RNF144B: variants seen among roughly 807,000 people sequenced by gnomAD.
The protein encoded by RNF144B is ring finger protein 144B.
In RNF144B, 25 loss-of-function variants were observed where a neutral mutation model predicts 40.2. That is an observed-to-expected ratio of 0.62 (90% CI 0.45 to 0.87). The LOEUF is 0.87. Ranked by LOEUF, RNF144B falls within the 40% of genes least tolerant of loss-of-function variation. The probability of loss-of-function intolerance (pLI) is 0.00; values close to 1 mark genes in which losing one functional copy is unlikely to be tolerated. For synonymous variants in RNF144B, 145 were observed against 136.3 expected (o/e 1.06, Z -0.44); for missense variants, 365 against 373.7 (o/e 0.98, Z 0.19).
At chr6:18,426,418 C>T (rs1378736352) in intron 2 of RNF144B, among the ~76,000 whole-genome samples, 1 of 152,166 alleles carries the variant, frequency 6.6e-6, no homozygotes, top group Non-Finnish European at 1.5e-5. Context: ...AGGTTTATTT[C>T]CTGGAACTAC....
intron 2 of RNF144B, among the ~76,000 whole-genome samples, chr6:18,421,478 G>C (rs778972175): frequency 6.6e-6 from 1 of 151,920 alleles, no homozygotes; most frequent in East Asian, 1.9e-4. Flanking sequence ...TTCTCTGTTG[G>C]AATCACTAAA....
chr6:18,464,793 G>A lies in RNF144B; in HGVS notation c.772-134G>A, dbSNP rs1759541058. 1.2e-6 allele frequency: 1 copy of A among 833,754 alleles called. No individual in the cohort carries two copies. 51.6% of individuals were successfully genotyped at this position (833,754 alleles called of 1,614,324 possible). On this transcript the variant is annotated intron_variant, in intron 7 of 7. Transcript: ENST00000259939. This position sits in a 1 kb window ranked among gnomAD's most constrained non-coding sequence, Gnocchi z 6.1. ...TCGTCTCCAAATACCGTCACATCGG[G>A]GATTTAGGGTTTCAACATATGAGCT...
intron 2 of RNF144B, among the ~76,000 whole-genome samples, chr6:18,404,840 A>G (rs920514440): frequency 3.3e-5 from 5 of 152,180 alleles, no homozygotes; most frequent in Non-Finnish European, 5.9e-5. Flanking sequence ...ACATAATAAT[A>G]TAATTACTTG....
At position 18,464,310 on chromosome 6, in the gene RNF144B, A is replaced by G. The variant is rs1759529192; in HGVS notation, c.772-617A>G. On this transcript the variant is annotated intron_variant, in intron 7 of 7. Coordinates refer to ENST00000259939, the MANE Select transcript of RNF144B (RefSeq NM_182757.4). The surrounding 1 kb of genome is among the most constrained non-coding windows in gnomAD (Gnocchi z 6.1). ...ATTCAAGTAGAGAGAGAGCACCAAT[A>G]CCAATAATTCATGACTATACTGAGC... Among the ~76,000 whole-genome samples the G allele has an allele frequency of 6.6e-6, 1 of 152,114 alleles. No individual in the cohort carries two copies. The highest frequency in any genetic ancestry group is 1.5e-5 in the Non-Finnish European group (1 of 68,012).
In RNF144B at chr6:18,416,639, T is replaced by C. The variant is rs1222330778; in HGVS notation, c.166-10942T>C. 1.3e-5 allele frequency among the ~76,000 whole-genome samples: 2 copies of C among 152,194 alleles called. No homozygotes were observed. Among genetic ancestry groups the C allele is most frequent in the African/African-American group, 4.8e-5 (2 of 41,444 alleles). ...TCTTTTCCAGAAAATGTAACGGCAC[T>C]ATTTTGGGCTAAAGTATTTAAAGGC... On this transcript the variant is annotated intron_variant, in intron 2 of 7. Transcript: ENST00000259939. This position sits in a 1 kb window ranked among gnomAD's most constrained non-coding sequence, Gnocchi z 5.5.
Position 18,427,692 on chromosome 6 carries a change from A to ATGACTACCATCATCTTCCCCTCTTTCCT in RNF144B, c.270+8_270+35dup. ...GACCCTGCAGGAAGCTGAGGTATGA[A>ATGACTACCATCATCTTCCCCTCTTTCCT]TGACTACCATCATCTTCCCCTCTTT... On this transcript the variant is annotated splice_region_variant and intron_variant, in intron 3 of 7. Coordinates refer to ENST00000259939, the MANE Select transcript of RNF144B (RefSeq NM_182757.4). The ATGACTACCATCATCTTCCCCTCTTTCCT allele has an allele frequency of 6.6e-7, 1 of 1,518,910 alleles. No homozygotes were observed. The highest frequency in any genetic ancestry group is 9.1e-7 in the Non-Finnish European group (1 of 1,093,764). The allele number at this position is 1,518,910 out of a possible 1,614,324, so 94.1% of individuals were successfully genotyped here.
chr6:18,436,403 G>A (rs1381101207), intron 3 of RNF144B, among the ~76,000 whole-genome samples: 1 of 152,156 alleles, frequency 6.6e-6, no homozygotes, highest in African/African-American at 2.4e-5. Flanking sequence ...AATAAGGCCC[G>A]AAGATGCTTT....
intron 1 of RNF144B, among the ~76,000 whole-genome samples, chr6:18,394,671 AT>A (rs1256121533): frequency 1.3e-5 from 2 of 151,880 alleles, no homozygotes; most frequent in African/African-American, 4.8e-5. Context: ...TTTGGAGCAG[AT>A]TGCTTTTTCA....
In RNF144B at chr6:18,406,172, C is replaced by G; in HGVS notation, c.165+6473C>G. 1 of 518,674 alleles carries G rather than the reference C, an allele frequency of 1.9e-6. No homozygotes were observed. The highest frequency in any genetic ancestry group is 3.8e-6 in the Non-Finnish European group (1 of 259,786). 32.1% of individuals were successfully genotyped at this position (518,674 alleles called of 1,614,324 possible). A position where few individuals can be genotyped will look rare whatever the true frequency, so the allele number is the denominator to read the frequency against. Reference sequence around the variant, plus strand: ...CAACTTTTCGTATGAGACATAGATGCTAACAAGTAAATACAGAAGTCAGGT... The same window carrying G: ...CAACTTTTCGTATGAGACATAGATGGTAACAAGTAAATACAGAAGTCAGGT... On this transcript the variant is annotated intron_variant, in intron 2 of 7. Coordinates refer to ENST00000259939, the MANE Select transcript of RNF144B (RefSeq NM_182757.4). The surrounding 1 kb of genome is among the most constrained non-coding windows in gnomAD (Gnocchi z 4.2).
rs1435672760 is a variant in RNF144B, at chr6:18,468,852, A to G, written c.*3785A>G. On this transcript the variant is annotated 3_prime_UTR_variant, in exon 8 of 8. Coordinates refer to ENST00000259939, the MANE Select transcript of RNF144B (RefSeq NM_182757.4). ...ATAGCTGTTTAGGCTCTCTAGCCACAATAAATGTAAGCAGGAAATCAAGTG... is the reference window on the plus strand; with the variant it reads ...ATAGCTGTTTAGGCTCTCTAGCCACGATAAATGTAAGCAGGAAATCAAGTG... 2 of 152,224 alleles carry G rather than the reference A, an allele frequency of 1.3e-5. No homozygotes were observed. Among genetic ancestry groups the G allele is most frequent in the South Asian group, 2.1e-4 (1 of 4,826 alleles). The allele number at this position is 152,224 out of a possible 1,614,324, so 9.4% of individuals were successfully genotyped here.
chr6:18,445,973 C>T (rs1759072304), intron 4 of RNF144B, among the ~76,000 whole-genome samples: 1 of 152,196 alleles, frequency 6.6e-6, no homozygotes, highest in South Asian at 2.1e-4. Flanking sequence ...TATCCTGTGA[C>T]TCCTGTGGGC....
Position 18,444,712 on chromosome 6 carries a change from T to A in RNF144B, c.331+4968T>A, listed in dbSNP as rs552408015. 6.6e-6 allele frequency among the ~76,000 whole-genome samples: 1 copy of A among 152,336 alleles called. No individual in the cohort carries two copies. Among genetic ancestry groups the A allele is most frequent in the South Asian group, 2.1e-4 (1 of 4,828 alleles). ...ATAGGAAGTTGTCTTTCTTTTGCTGTCTGTTAATATTACTGACTTCACTCC... is the reference window on the plus strand; with the variant it reads ...ATAGGAAGTTGTCTTTCTTTTGCTGACTGTTAATATTACTGACTTCACTCC... On this transcript the variant is annotated intron_variant, in intron 4 of 7. Coordinates refer to ENST00000259939, the MANE Select transcript of RNF144B (RefSeq NM_182757.4). The surrounding 1 kb of genome is among the most constrained non-coding windows in gnomAD (Gnocchi z 4.3).
chr6:18,465,199 G>T lies in RNF144B; in HGVS notation c.*132G>T. On this transcript the variant is annotated 3_prime_UTR_variant, in exon 8 of 8. Coordinates refer to ENST00000259939, the MANE Select transcript of RNF144B (RefSeq NM_182757.4). ...GCCTCCGTGTCCAGACTTTGAACTT[G>T]CCTGCCAGCCTTCAGCATCAGGAAA... 1.4e-5 allele frequency: 12 copies of T among 857,626 alleles called. No homozygotes were observed. The highest frequency in any genetic ancestry group is 2.2e-5 in the Non-Finnish European group (12 of 553,250). The allele number at this position is 857,626 out of a possible 1,614,324, so 53.1% of individuals were successfully genotyped here. A position where few individuals can be genotyped will look rare whatever the true frequency, so the allele number is the denominator to read the frequency against.
Position 18,387,585 on chromosome 6 carries a change from G to C in RNF144B, c.-82G>C. 7.6e-7 allele frequency: 1 copy of C among 1,323,208 alleles called. No individual in the cohort carries two copies. The highest frequency in any genetic ancestry group is 9.9e-7 in the Non-Finnish European group (1 of 1,007,270). 82.0% of individuals were successfully genotyped at this position (1,323,208 alleles called of 1,614,324 possible). On this transcript the variant is annotated 5_prime_UTR_variant, in exon 1 of 8. Transcript: ENST00000259939. Reference sequence around the variant, plus strand: ...CCGGACTGGCGGTGAGCGCGAGGGAGGCTACTGAGAAGCCCGGCGACGGAG... The same window carrying C: ...CCGGACTGGCGGTGAGCGCGAGGGACGCTACTGAGAAGCCCGGCGACGGAG...
chr6:18,393,814 C>G (rs1479704565), intron 1 of RNF144B, among the ~76,000 whole-genome samples: 1 of 152,156 alleles, frequency 6.6e-6, no homozygotes, highest in Non-Finnish European at 1.5e-5. Context: ...AAACTTTCCC[C>G]TTTGCTACCT....
intron 2 of RNF144B, among the ~76,000 whole-genome samples, chr6:18,417,462 A>G (rs1322203496): frequency 6.6e-6 from 1 of 152,208 alleles, no homozygotes; most frequent in Non-Finnish European, 1.5e-5. Context: ...AAGGGTGCCA[A>G]GACAATTCAA....
chr6:18,428,064 T>C (rs1758604222), intron 3 of RNF144B, among the ~76,000 whole-genome samples: 1 of 152,158 alleles, frequency 6.6e-6, no homozygotes, highest in Non-Finnish European at 1.5e-5. Flanking sequence ...AATTGAATCA[T>C]GGGGGCGGTT....
Position 18,422,004 on chromosome 6 carries a change from T to C in RNF144B, c.166-5577T>C, listed in dbSNP as rs868401491. Among the ~76,000 whole-genome samples, 34 of 152,290 alleles carry C rather than the reference T, an allele frequency of 2.2e-4. No individual in the cohort carries two copies. Among genetic ancestry groups the C allele is most frequent in the African/African-American group, 7.7e-4 (32 of 41,572 alleles). On this transcript the variant is annotated intron_variant, in intron 2 of 7. Transcript: ENST00000259939. The surrounding 1 kb of genome is among the most constrained non-coding windows in gnomAD (Gnocchi z 4.7). ...ATGTCCTATATGGTTGGCCAACACCTACAAGGGGGAGGTTGGTCACCTAAG... is the reference window on the plus strand; with the variant it reads ...ATGTCCTATATGGTTGGCCAACACCCACAAGGGGGAGGTTGGTCACCTAAG...
rs58124564 is a variant in RNF144B, at chr6:18,406,457, AGTGTGTGTGTGTGTGTGTGTGTGTGT to A, written c.165+6777_165+6802del. On this transcript the variant is annotated intron_variant, in intron 2 of 7. Coordinates refer to ENST00000259939, the MANE Select transcript of RNF144B (RefSeq NM_182757.4). This position sits in a 1 kb window ranked among gnomAD's most constrained non-coding sequence, Gnocchi z 4.2. ...CAAAGGAGGCTGGTGTGGCTGGAAAAGTGTGTGTGTGTGTGTGTGTGTGTGTGTGTGTGTGTGTGTGTGTAGGGGGA... is the reference window on the plus strand; with the variant it reads ...CAAAGGAGGCTGGTGTGGCTGGAAAAGTGTGTGTGTGTGTGTGTAGGGGGA... 6.1e-5 allele frequency among the ~76,000 whole-genome samples: 8 copies of A among 130,944 alleles called. No homozygotes were observed. The allele number at this position is 130,944 out of a possible 152,430, so 85.9% of individuals were successfully genotyped here. A position where few individuals can be genotyped will look rare whatever the true frequency, so the allele number is the denominator to read the frequency against.
Sources: allele counts gnomAD v4.1 joint callset (sites outside exome capture counted in the v4.1 genomes callset), GRCh38; gene constraint gnomAD v4.1.1; non-coding constraint Gnocchi (gnomAD v3.1); transcripts MANE v1.5; gene names NCBI Gene and HGNC (gene_info 2026-07-23, HGNC 2026-07-21).